The following SYNE1 variants were observed in gnomAD, a reference collection of about 807,000 sequenced individuals.
SYNE1 encodes nesprin-1.
SYNE1 carries 616 observed loss-of-function variants against 1,111.0 expected under a neutral mutation model. That is an observed-to-expected ratio of 0.55 (90% CI 0.52 to 0.59). The LOEUF is 0.59. Among genes scored for constraint, SYNE1 ranks in the 20% least tolerant of loss-of-function variants. The probability of loss-of-function intolerance (pLI) is 0.00; values close to 1 mark genes in which losing one functional copy is unlikely to be tolerated. For missense variants in SYNE1, 10,006 were observed against 10,417.0 expected, an observed-to-expected ratio of 0.96 and a Z score of 1.72; for synonymous variants, 3,855 against 3,825.8, an observed-to-expected ratio of 1.01 and a Z score of -0.28.
chr6:152,543,664 G>A (rs978705225), intron 3 of SYNE1, among the ~76,000 whole-genome samples: 3 of 152,152 alleles, frequency 2.0e-5, no homozygotes, highest in African/African-American at 4.8e-5. Context: ...GGCCAATGAC[G>A]AACCTCATAG....
intron 6 of SYNE1, among the ~76,000 whole-genome samples, chr6:152,519,799 G>C (rs984099666): frequency 2.0e-5 from 3 of 152,110 alleles, no homozygotes; most frequent in East Asian, 3.8e-4. Context: ...TCTACCATAG[G>C]AAAGCATGGC....
rs774306816 is a variant in SYNE1, at chr6:152,231,505, T to C, written c.20925A>G (p.Leu6975=). 1.9e-6 allele frequency: 3 copies of C among 1,614,160 alleles called. No homozygotes were observed. Among genetic ancestry groups the C allele is most frequent in the Non-Finnish European group, 8.5e-7 (1 of 1,180,026 alleles). ...LTVDFVNQSV[L]QISSQDVESK... ...TTTCCACATCCTGACTGCTGATTTG[T>C]AGCACGGACTGGTTCACAAAATCCA... The change falls in exon 114 of 146, where the codon CTA becomes CTG. Residue 6975 remains leucine, a synonymous_variant. Transcript: ENST00000367255.
chr6:152,318,809 C>T, intron 85 of SYNE1, 54 bp downstream of exon 85: 1 of 1,605,154 alleles, frequency 6.2e-7, no homozygotes, highest in Middle Eastern at 1.7e-4. Context: ...GTAAAACTGA[C>T]TCCAAAAACT....
At chr6:152,348,721 T>C (rs2096685291) in intron 72 of SYNE1, among the ~76,000 whole-genome samples, 1 of 145,272 alleles carries the variant, frequency 6.9e-6, no homozygotes, top group Non-Finnish European at 1.5e-5. Flanking sequence ...AATAAATACA[T>C]AAATAAATAA....
At chr6:152,530,535 C>A (rs1248745288) in intron 4 of SYNE1, among the ~76,000 whole-genome samples, 1 of 148,030 alleles carries the variant, frequency 6.8e-6, no homozygotes, top group Non-Finnish European at 1.5e-5. Context: ...CTAGGGTCAA[C>A]TGTAGTCTGA....
intron 102 of SYNE1, 62 bp downstream of exon 102, chr6:152,256,572 T>G: frequency 6.2e-6 from 10 of 1,606,598 alleles, no homozygotes; most frequent in Non-Finnish European, 8.5e-6. Flanking sequence ...GCCAGGCAAA[T>G]CAATACAAGC....
At position 152,502,834 on chromosome 6, in the gene SYNE1, C is replaced by T. The variant is rs544255421; in HGVS notation, c.779-92G>A. On this transcript the variant is annotated intron_variant, in intron 9 of 145. Transcript: ENST00000367255. ...TGGTATCTAGCTATCACACCAAAAA[C>T]GCTAAACGCAGAAGGAAAACAGAAG... The T allele has an allele frequency of 2.5e-4, 244 of 985,584 alleles. No individual in the cohort carries two copies. In the African/African-American group the frequency reaches 3.1e-3, roughly 13 times the overall value. 61.1% of individuals were successfully genotyped at this position (985,584 alleles called of 1,614,324 possible). A position where few individuals can be genotyped will look rare whatever the true frequency, so the allele number is the denominator to read the frequency against.
At position 152,211,524 on chromosome 6, in the gene SYNE1, C is replaced by T. The variant is rs752057121; in HGVS notation, c.22559G>A (p.Arg7520His). Residue 7520 changes from arginine to histidine, a missense_variant, in exon 124 of 146, where the codon CGT becomes CAT. By Grantham distance (29) the Arg-to-His change is conservative (BLOSUM62 0). Coordinates refer to ENST00000367255, the MANE Select transcript of SYNE1 (RefSeq NM_182961.4). ...ATCAACTTGACCTTGTTCTAGAAGA[C>T]GTTGCCCATCAATAATGATTGAGTG... ...ILHSIIIDGQ[R>H]LLEQGQVDDR... The T allele has an allele frequency of 1.8e-5, 29 of 1,613,718 alleles. No individual in the cohort carries two copies. In the Admixed American group the frequency reaches 2.0e-4, roughly 11 times the overall value.
chr6:152,523,736 G>A (rs2099151321), intron 5 of SYNE1, among the ~76,000 whole-genome samples: 1 of 151,994 alleles, frequency 6.6e-6, no homozygotes, highest in Non-Finnish European at 1.5e-5. Context: ...TTTCAGCAGT[G>A]TTTTGTAGTT....
intron 52 of SYNE1, among the ~76,000 whole-genome samples, chr6:152,390,659 A>C (rs2097598421): frequency 6.6e-6 from 1 of 152,210 alleles, no homozygotes; most frequent in Non-Finnish European, 1.5e-5. Context: ...TTCCAATATA[A>C]ATTCTTAGAA....
rs575264055 is a variant in SYNE1, at chr6:152,410,988, T to C, written c.6231-1279A>G. Among the ~76,000 whole-genome samples, 4 of 152,336 alleles carry C rather than the reference T, an allele frequency of 2.6e-5. No individual in the cohort carries two copies. The East Asian group carries it at 7.7e-4, about 29-fold the overall frequency. On this transcript the variant is annotated intron_variant, in intron 42 of 145. Coordinates refer to ENST00000367255, the MANE Select transcript of SYNE1 (RefSeq NM_182961.4). ...CACAATGTAGGATAATGTTTAATAA[T>C]ATGGAATAAAGTTTGCACAACATGA...
chr6:152,384,419 T>C (rs2097487187), intron 55 of SYNE1, among the ~76,000 whole-genome samples: 1 of 152,142 alleles, frequency 6.6e-6, no homozygotes, highest in Non-Finnish European at 1.5e-5. Context: ...GATGGAAGGA[T>C]GGATGAATAA....
intron 74 of SYNE1, among the ~76,000 whole-genome samples, chr6:152,343,005 G>A (rs2154013189): frequency 6.6e-6 from 1 of 151,460 alleles, no homozygotes; most frequent in Admixed American, 6.6e-5. Flanking sequence ...ACTTTTAGAA[G>A]TAAGTATACT....
intron 28 of SYNE1, among the ~76,000 whole-genome samples, chr6:152,448,018 G>T (rs1262861281): frequency 6.6e-6 from 1 of 152,120 alleles, no homozygotes; most frequent in Non-Finnish European, 1.5e-5. Flanking sequence ...AATAATGAAA[G>T]TTCTTTTTTT....
At chr6:152,343,632 G>A (rs1452134455) in intron 74 of SYNE1, among the ~76,000 whole-genome samples, 5 of 151,918 alleles carry the variant, frequency 3.3e-5, no homozygotes, top group East Asian at 3.9e-4. Flanking sequence ...AGGTTCAAGC[G>A]ATTCTCCTGC....
intron 106 of SYNE1, among the ~76,000 whole-genome samples, chr6:152,243,634 T>C (rs2086334330): frequency 6.6e-6 from 1 of 152,174 alleles, no homozygotes; most frequent in Admixed American, 6.5e-5. Context: ...GCTTATGATA[T>C]TATGAAATGT....
rs1248941193 is a variant in SYNE1 at position 152,430,549 on chromosome 6, T to C, written c.4622A>G (p.Gln1541Arg). ...TCCCAGGATTGTTCCTTCCAGACACTGTGCATGCTCTCGAAGCTCTTCCCC... is the reference window on the plus strand; with the variant it reads ...TCCCAGGATTGTTCCTTCCAGACACCGTGCATGCTCTCGAAGCTCTTCCCC... ...RYGEELREHAQCLEGTILGHL... is the reference protein window; with the variant it reads ...RYGEELREHARCLEGTILGHL... Residue 1541 changes from glutamine to arginine, a missense_variant, in exon 35 of 146, where the codon CAG becomes CGG. Gln to Arg is a conservative substitution (Grantham distance 43). This residue lies in a region of SYNE1 where 1,971 missense variants were observed against 2,084.1 expected (regional missense o/e 0.95). Coordinates refer to ENST00000367255, the MANE Select transcript of SYNE1 (RefSeq NM_182961.4). 5.6e-6 allele frequency: 9 copies of C among 1,614,158 alleles called. 1 individual carries two copies. The South Asian group carries it at 6.6e-5, about 12-fold the overall frequency.
In SYNE1 at chr6:152,350,605, C is replaced by G. The variant is rs1466138873; in HGVS notation, c.11733+13G>C. ...AAATAAACCCTTTTACGGAGTCTTT[C>G]ATCTCTCCTTACCTTTCCTATGCTG... On this transcript the variant is annotated intron_variant, in intron 71 of 145. Coordinates refer to ENST00000367255, the MANE Select transcript of SYNE1 (RefSeq NM_182961.4). 1.2e-6 allele frequency: 2 copies of G among 1,614,172 alleles called. No individual in the cohort carries two copies. The highest frequency in any genetic ancestry group is 4.5e-5 in the East Asian group (2 of 44,884).
At chr6:152,404,082 T>A in intron 46 of SYNE1, 131 bp downstream of exon 46, 3 of 539,286 alleles carry the variant, frequency 5.6e-6, no homozygotes, top group Non-Finnish European at 9.7e-6. Context: ...GATATAGATA[T>A]ATACGAGATA....
Sources: allele counts gnomAD v4.1 joint callset (sites outside exome capture counted in the v4.1 genomes callset), GRCh38; gene constraint gnomAD v4.1.1; regional missense constraint gnomAD v4.1.1; transcripts MANE v1.5; gene names NCBI Gene and HGNC (gene_info 2026-07-23, HGNC 2026-07-21).